Variants in RAD51B observed in about 807,000 individuals in gnomAD.
RAD51B encodes the protein DNA repair protein RAD51 homolog 2.
RAD51B carries 38 observed loss-of-function variants against 42.2 expected under a neutral mutation model. That is an observed-to-expected ratio of 0.90 (90% CI 0.70 to 1.18). The LOEUF (loss-of-function observed/expected upper bound fraction) is 1.18. Ranked by LOEUF, RAD51B falls within the 50% of genes most tolerant of loss-of-function variation. The pLI is 0.00. For synonymous variants in RAD51B, 154 were observed against 145.2 expected (o/e 1.06, Z -0.43); for missense variants, 373 against 400.7 (o/e 0.93, Z 0.59).
At chr14:67,828,570 T>G (rs1337063513) in intron 3 of RAD51B, among the ~76,000 whole-genome samples, 1 of 152,220 alleles carries the variant, frequency 6.6e-6, no homozygotes, top group Non-Finnish European at 1.5e-5. Flanking sequence ...ATGTTCTGAA[T>G]GGTATTGCCT....
At chr14:68,108,692 G>A (rs1024491823) in intron 7 of RAD51B, among the ~76,000 whole-genome samples, 1 of 151,802 alleles carries the variant, frequency 6.6e-6, no homozygotes, top group Non-Finnish European at 1.5e-5. Context: ...ATTAGATATT[G>A]GTGATGGTTA....
chr14:68,306,614 G>T (rs1032296717), intron 8 of RAD51B: 1 of 515,330 alleles, frequency 1.9e-6, no homozygotes, highest in African/African-American at 1.9e-5. Flanking sequence ...GAGCATGGAA[G>T]AAATATAACC....
At chr14:67,980,570 G>C (rs1215784618) in intron 7 of RAD51B, among the ~76,000 whole-genome samples, 2 of 152,212 alleles carry the variant, frequency 1.3e-5, no homozygotes, top group Admixed American at 6.5e-5. Context: ...GGAAAGAATG[G>C]AGAGTCCAGA....
At chr14:68,624,461 G>A (rs1033760159) in intron 10 of RAD51B, among the ~76,000 whole-genome samples, 3 of 152,138 alleles carry the variant, frequency 2.0e-5, no homozygotes, top group African/African-American at 4.8e-5. Flanking sequence ...CCGGGCCCTC[G>A]ATATGCCAGA....
intron 7 of RAD51B, among the ~76,000 whole-genome samples, chr14:68,073,071 A>G (rs2076778862): frequency 6.6e-6 from 1 of 152,050 alleles, no homozygotes; most frequent in African/African-American, 2.4e-5. Flanking sequence ...GTCAAGTTTA[A>G]GTCTCCAATA....
chr14:68,194,303 G>A (rs533817759), intron 7 of RAD51B, among the ~76,000 whole-genome samples: 5 of 152,278 alleles, frequency 3.3e-5, no homozygotes, highest in Admixed American at 1.3e-4. Flanking sequence ...GGAGATGTTT[G>A]TTTTAATTTT....
At chr14:67,883,024 C>T (rs1039308028) in intron 5 of RAD51B, among the ~76,000 whole-genome samples, 1 of 152,232 alleles carries the variant, frequency 6.6e-6, no homozygotes, top group Non-Finnish European at 1.5e-5. Context: ...GGATTGCAGG[C>T]GTGAGCCACC....
chr14:68,053,577 G>A lies in RAD51B; in HGVS notation c.756+166373G>A, dbSNP rs35873442. On this transcript the variant is annotated intron_variant, in intron 7 of 10. Coordinates refer to ENST00000471583, the MANE Select transcript of RAD51B (RefSeq NM_133510.4). The stretch of plus-strand genomic sequence containing the variant: ...ACTTAATGATAGAGACTGAGAATGA[G>A]AAGATAGAATGGTTGTTCTGGAAGT... Among the ~76,000 whole-genome samples, 2 of 152,308 alleles carry A rather than the reference G, an allele frequency of 1.3e-5. 1 individual carries two copies. Among genetic ancestry groups the A allele is most frequent in the Non-Finnish European group, 2.9e-5 (2 of 68,030 alleles).
At chr14:68,575,881 T>G (rs1200307590) in intron 10 of RAD51B, among the ~76,000 whole-genome samples, 1 of 152,206 alleles carries the variant, frequency 6.6e-6, no homozygotes, top group African/African-American at 2.4e-5. Flanking sequence ...CAGAGTTCTT[T>G]TCAAAAGGAT....
chr14:68,198,163 A>AT (rs770157850), intron 7 of RAD51B, among the ~76,000 whole-genome samples: 1 of 151,680 alleles, frequency 6.6e-6, no homozygotes, highest in African/African-American at 2.4e-5. Flanking sequence ...TTTCCCATAT[A>AT]TTTTTCCAGC....
chr14:67,964,033 C>T (rs1470259543), intron 7 of RAD51B, among the ~76,000 whole-genome samples: 3 of 151,906 alleles, frequency 2.0e-5, no homozygotes, highest in Admixed American at 6.6e-5. Context: ...CTTGAGTGCA[C>T]ATCTCCTGAC....
At chr14:68,594,134 AC>A (rs1040473579) in intron 10 of RAD51B, among the ~76,000 whole-genome samples, 1 of 52,472 alleles carries the variant, frequency 1.9e-5, no homozygotes, top group African/African-American at 7.9e-5. Flanking sequence ...CGTGCTCCCC[AC>A]CCCCACACGC....
Position 68,636,805 on chromosome 14 carries a change from C to G in RAD51B, c.1037-13976C>G, listed in dbSNP as rs562518241. 7.9e-5 allele frequency among the ~76,000 whole-genome samples: 12 copies of G among 152,198 alleles called. No homozygotes were observed. The South Asian group carries it at 1.2e-3, about 16-fold the overall frequency. ...AAATCAAGATAAACACATACAAGAG[C>G]AGGCTGGGAGGGGAGTCCTCTGGCA... On this transcript the variant is annotated intron_variant, in intron 10 of 11. Coordinates refer to the RAD51B transcript ENST00000488612.
At chr14:68,495,354 C>G (rs78355765) in intron 10 of RAD51B, among the ~76,000 whole-genome samples, 13 of 152,196 alleles carry the variant, frequency 8.5e-5, no homozygotes, top group Admixed American at 8.5e-4. Context: ...AGGATTCCTC[C>G]GAGCCCCTTT....
At chr14:68,179,328 A>G (rs1353136997) in intron 7 of RAD51B, among the ~76,000 whole-genome samples, 1 of 152,122 alleles carries the variant, frequency 6.6e-6, no homozygotes, top group Non-Finnish European at 1.5e-5. Context: ...TTGGGATAAA[A>G]CACATTTTAT....
chr14:68,168,397 C>T (rs528134313), intron 7 of RAD51B, among the ~76,000 whole-genome samples: 1 of 152,024 alleles, frequency 6.6e-6, no homozygotes, highest in Non-Finnish European at 1.5e-5. Flanking sequence ...GCAGTTTTCT[C>T]GTTTACCAAC....
chr14:68,149,244 G>A (rs554202952), intron 7 of RAD51B, among the ~76,000 whole-genome samples: 12 of 151,974 alleles, frequency 7.9e-5, no homozygotes, highest in African/African-American at 2.9e-4. Flanking sequence ...CATGGATTGT[G>A]CTTTAAGTGT....
At chr14:68,645,057 A>G (rs1892537559) in intron 10 of RAD51B, among the ~76,000 whole-genome samples, 1 of 152,216 alleles carries the variant, frequency 6.6e-6, no homozygotes, top group African/African-American at 2.4e-5. Context: ...TACTAAGTAC[A>G]TTCATATTAT....
chr14:68,082,182 G>A (rs1349148820), intron 7 of RAD51B, among the ~76,000 whole-genome samples: 1 of 151,962 alleles, frequency 6.6e-6, no homozygotes, highest in Non-Finnish European at 1.5e-5. Flanking sequence ...GGATGGTCTC[G>A]ATCTCCTGAC....
Sources: gnomAD v4.1 joint callset for allele counts (sites outside exome capture counted in the v4.1 genomes callset) on GRCh38, gnomAD v4.1.1 for gene constraint, MANE v1.5 for transcripts, NCBI Gene and HGNC (gene_info 2026-07-23, HGNC 2026-07-21) for gene names.